HTR1E: variants seen among roughly 807,000 people sequenced by gnomAD.
HTR1E encodes 5-HT-1E.
A neutral mutation model predicts 3.4 loss-of-function variants in HTR1E; 3 were observed. The observed-to-expected ratio is 0.89, with a 90% CI of 0.41 to 2.31. HTR1E has a LOEUF of 2.31. Ranked by LOEUF, HTR1E falls within the 30% of genes most tolerant of loss-of-function variation. The pLI, the probability that HTR1E is intolerant of heterozygous loss-of-function variation, is 0.05. For synonymous variants in HTR1E, 170 were observed against 182.8 expected (o/e 0.93, Z 0.56); for missense variants, 392 against 467.0 (o/e 0.84, Z 1.48).
At chr6:86,966,810 C>T (rs376335289) in intron 1 of HTR1E, among the ~76,000 whole-genome samples, 4 of 152,146 alleles carry the variant, frequency 2.6e-5, no homozygotes, top group East Asian at 1.9e-4. Context: ...TACAAATGTG[C>T]GTTTTCATTA....
chr6:87,009,143 A>G (rs1211483907), intron 1 of HTR1E, among the ~76,000 whole-genome samples: 1 of 149,834 alleles, frequency 6.7e-6, no homozygotes, highest in Admixed American at 6.6e-5. Flanking sequence ...ACAATAGTGG[A>G]GGGAAGGTCA....
Position 86,992,814 on chromosome 6 carries a change from C to T in HTR1E, c.-185-22336C>T, listed in dbSNP as rs145394907. Among the ~76,000 whole-genome samples, 167 of 152,232 alleles carry T rather than the reference C, an allele frequency of 1.1e-3. 1 individual carries two copies. Among genetic ancestry groups the T allele is most frequent in the Middle Eastern group, 3.4e-3 (1 of 294 alleles). On this transcript the variant is annotated intron_variant, in intron 1 of 1. Coordinates refer to ENST00000305344, the MANE Select transcript of HTR1E (RefSeq NM_000865.3). Reference sequence around the variant, plus strand: ...AAGCTTCCAAAGATTAAGTAACTTACCCAAGGAGAATTGATGTGTTACTTA... The same window carrying T: ...AAGCTTCCAAAGATTAAGTAACTTATCCAAGGAGAATTGATGTGTTACTTA...
chr6:86,969,860 A>G (rs1767524994), intron 1 of HTR1E, among the ~76,000 whole-genome samples: 1 of 152,194 alleles, frequency 6.6e-6, no homozygotes, highest in Admixed American at 6.5e-5. Context: ...AATGTGACAC[A>G]GTGGAACTTG....
At chr6:86,989,514 A>G (rs1299906018) in intron 1 of HTR1E, among the ~76,000 whole-genome samples, 3 of 152,326 alleles carry the variant, frequency 2.0e-5, no homozygotes, top group Middle Eastern at 3.4e-3. Flanking sequence ...GTAAAATTCA[A>G]TTAAATATCC....
intron 1 of HTR1E, among the ~76,000 whole-genome samples, chr6:86,940,269 G>T (rs771858514): frequency 2.6e-5 from 4 of 151,874 alleles, no homozygotes; most frequent in Non-Finnish European, 5.9e-5. Flanking sequence ...GGCATGATGG[G>T]TCACACCTGT....
At chr6:86,956,725 GA>G (rs887671137) in intron 1 of HTR1E, among the ~76,000 whole-genome samples, 2 of 151,720 alleles carry the variant, frequency 1.3e-5, no homozygotes, top group South Asian at 2.1e-4. Flanking sequence ...AATTGATTGA[GA>G]AAAAAAATTT....
intron 1 of HTR1E, among the ~76,000 whole-genome samples, chr6:86,949,671 ATCAC>A (rs2127817385): frequency 6.6e-6 from 1 of 152,292 alleles, no homozygotes; most frequent in East Asian, 1.9e-4. Flanking sequence ...ATTATAGGTT[ATCAC>A]AACTTGTAAC....
At chr6:86,968,995 A>G (rs1182914840) in intron 1 of HTR1E, among the ~76,000 whole-genome samples, 1 of 152,092 alleles carries the variant, frequency 6.6e-6, no homozygotes, top group Non-Finnish European at 1.5e-5. Flanking sequence ...TTTTTAATAG[A>G]TGACTATTAA....
chr6:86,994,934 T>C (rs897273545), intron 1 of HTR1E, among the ~76,000 whole-genome samples: 5 of 152,194 alleles, frequency 3.3e-5, no homozygotes, highest in Admixed American at 3.3e-4. Flanking sequence ...TGTGTATATA[T>C]CATATAATAT....
intron 1 of HTR1E, among the ~76,000 whole-genome samples, chr6:86,980,590 C>T (rs1158218841): frequency 6.6e-6 from 1 of 152,024 alleles, no homozygotes; most frequent in Non-Finnish European, 1.5e-5. Flanking sequence ...AGAATCCTTT[C>T]CGTTTAGTTA....
chr6:86,987,317 G>A (rs1453770592), intron 1 of HTR1E, among the ~76,000 whole-genome samples: 1 of 152,076 alleles, frequency 6.6e-6, no homozygotes, highest in Non-Finnish European at 1.5e-5. Flanking sequence ...AAAAGCTAGG[G>A]CTCTCCAAGG....
intron 1 of HTR1E, among the ~76,000 whole-genome samples, chr6:86,947,890 A>C (rs2127816904): frequency 6.6e-6 from 1 of 152,226 alleles, no homozygotes; most frequent in Middle Eastern, 3.4e-3. Context: ...TTTTACTTTA[A>C]GTTTGGTGAT....
intron 1 of HTR1E, among the ~76,000 whole-genome samples, chr6:86,951,188 A>G (rs1309457508): frequency 6.6e-6 from 1 of 152,210 alleles, no homozygotes; most frequent in African/African-American, 2.4e-5. Context: ...AATTTGGTTA[A>G]TGAGGATCAC....
At chr6:86,968,175 G>T (rs758024052) in intron 1 of HTR1E, among the ~76,000 whole-genome samples, 4 of 152,060 alleles carry the variant, frequency 2.6e-5, no homozygotes, top group Non-Finnish European at 4.4e-5. Context: ...CCATATATAA[G>T]TGTACCACAA....
intron 1 of HTR1E, among the ~76,000 whole-genome samples, chr6:86,950,270 T>C (rs1348740168): frequency 6.6e-6 from 1 of 152,228 alleles, no homozygotes; most frequent in African/African-American, 2.4e-5. Context: ...ACTTCTATTA[T>C]TTAAAAATAT....
chr6:86,978,761 C>G (rs921872284), intron 1 of HTR1E, among the ~76,000 whole-genome samples: 1 of 152,190 alleles, frequency 6.6e-6, no homozygotes, highest in Non-Finnish European at 1.5e-5. Flanking sequence ...GTTAGGCCTT[C>G]ACAGCTTCCC....
chr6:86,953,935 C>A, intron 1 of HTR1E, among the ~76,000 whole-genome samples: 1 of 152,070 alleles, frequency 6.6e-6, no homozygotes, highest in African/African-American at 2.4e-5. Flanking sequence ...CTTAAACAAC[C>A]AGATCTCGTG....
At position 86,967,769 on chromosome 6, in the gene HTR1E, G is replaced by A. The variant is rs1767493319; in HGVS notation, c.-186+29946G>A. 2.0e-5 allele frequency among the ~76,000 whole-genome samples: 3 copies of A among 152,104 alleles called. No homozygotes were observed. The South Asian group carries it at 6.2e-4, about 32-fold the overall frequency. On this transcript the variant is annotated intron_variant, in intron 1 of 1. Transcript: ENST00000305344. Reference sequence around the variant, plus strand: ...TGTTCAGTGTTTTTTACATTACGAAGTGTTTTATAAACCTATCTCATTATA... The same window carrying A: ...TGTTCAGTGTTTTTTACATTACGAAATGTTTTATAAACCTATCTCATTATA...
At chr6:87,004,226 G>A (rs1348380056) in intron 1 of HTR1E, among the ~76,000 whole-genome samples, 1 of 152,110 alleles carries the variant, frequency 6.6e-6, no homozygotes, top group Non-Finnish European at 1.5e-5. Flanking sequence ...CCAAAATATA[G>A]AGGAGGAGGA....
Sources: gnomAD v4.1 joint callset for allele counts (sites outside exome capture counted in the v4.1 genomes callset) on GRCh38, gnomAD v4.1.1 for gene constraint, MANE v1.5 for transcripts, NCBI Gene and HGNC (gene_info 2026-07-23, HGNC 2026-07-21) for gene names.